Variants in ABCA1 observed in about 807,000 individuals in gnomAD.
The protein encoded by ABCA1 is ATP binding cassette subfamily A member 1, also known as phospholipid-transporting ATPase ABCA1.
ABCA1 carries 133 observed loss-of-function variants against 262.5 expected under a neutral mutation model. The observed-to-expected ratio is 0.51, with a 90% CI of 0.44 to 0.59. ABCA1 has a LOEUF of 0.59. ABCA1 is among the 20% of genes least tolerant of loss of function. The pLI, the probability that ABCA1 is intolerant of heterozygous loss-of-function variation, is 0.00. For synonymous variants in ABCA1, 1,022 were observed against 1,043.5 expected (o/e 0.98, Z 0.40); for missense variants, 2,452 against 2,777.5 (o/e 0.88, Z 2.63).
chr9:104,861,946 G>C (rs1564196254), intron 5 of ABCA1, 146 bp from the exon 6 acceptor site: 1 of 746,870 alleles, frequency 1.3e-6, no homozygotes, highest in African/African-American at 1.8e-5. Context: ...TGAGATAGGG[G>C]AGCATCGCCA....
intron 46 of ABCA1, 152 bp downstream of exon 46, chr9:104,787,768 G>T: frequency 6.5e-7 from 1 of 1,533,302 alleles, no homozygotes; most frequent in Non-Finnish European, 8.9e-7. Context: ...TGTGCCAAGG[G>T]AGAAGCTTCC....
intron 2 of ABCA1, among the ~76,000 whole-genome samples, chr9:104,891,826 G>A (rs1362347952): frequency 7.3e-5 from 11 of 150,486 alleles, no homozygotes; most frequent in Admixed American, 3.3e-4. Flanking sequence ...TTAGCCGGGC[G>A]TGGTGGTGCA....
At position 104,825,449 on chromosome 9, in the gene ABCA1, T is replaced by C. The variant is rs1176815223; in HGVS notation, c.2542+234A>G. On this transcript the variant is annotated intron_variant, in intron 17 of 49. Coordinates refer to ENST00000374736, the MANE Select transcript of ABCA1 (RefSeq NM_005502.4). ...CTTGTGAGAATTAAATGAAGCAATGTGTATAAAACATTTTGCATGCTGCCT... is the reference window on the plus strand; with the variant it reads ...CTTGTGAGAATTAAATGAAGCAATGCGTATAAAACATTTTGCATGCTGCCT... 8.5e-6 allele frequency: 5 copies of C among 586,974 alleles called. 1 individual carries two copies. In the Admixed American group the frequency reaches 1.1e-4, roughly 13 times the overall value. The allele number at this position is 586,974 out of a possible 1,614,324, so 36.4% of individuals were successfully genotyped here.
In ABCA1 at chr9:104,837,473, G is replaced by C; in HGVS notation, c.1149C>G (p.Ile383Met). The C allele has an allele frequency of 6.2e-7, 1 of 1,614,090 alleles. No homozygotes were observed. Among genetic ancestry groups the C allele is most frequent in the South Asian group, 1.1e-5 (1 of 91,074 alleles). Residue 383 changes from isoleucine (I) to methionine (M), a missense_variant, in exon 10 of 50, where the codon ATC (isoleucine) becomes ATG (methionine). Ile to Met is a conservative substitution (Grantham distance 10). Transcript: ENST00000374736. ...KALKPLLVGK[I>M]LYTPDTPATR... ...TGGCTGGAGTGTCAGGTGTATACAG[G>C]ATCTTCCCAACGAGCAGCGGCTTCA...
intron 8 of ABCA1, among the ~76,000 whole-genome samples, chr9:104,841,057 G>A (rs933044673): frequency 6.6e-6 from 1 of 152,088 alleles, no homozygotes; most frequent in African/African-American, 2.4e-5. Context: ...GCCCTCTTCC[G>A]CCTTGGGAGA....
chr9:104,887,519 A>G (rs1839285984), intron 3 of ABCA1, among the ~76,000 whole-genome samples: 1 of 152,120 alleles, frequency 6.6e-6, no homozygotes, highest in Admixed American at 6.6e-5. Context: ...GCCTGCTTGT[A>G]ATCATTCCAG....
rs756065458 is a variant in ABCA1, at chr9:104,861,816, G to A, written c.422-16C>T. 151 of 1,595,600 alleles carry A rather than the reference G, an allele frequency of 9.5e-5. No individual in the cohort carries two copies. Among genetic ancestry groups the A allele is most frequent in the Middle Eastern group, 1.8e-4 (1 of 5,468 alleles). ...AGCTTCAAGTCTATTGAGAAATAGT[G>A]TTTTATTTTTATTTAGTAAGTAACT... is the stretch of plus-strand genomic sequence containing the variant. On this transcript the variant is annotated splice_polypyrimidine_tract_variant and intron_variant, in intron 5 of 49. Coordinates refer to ENST00000374736, the MANE Select transcript of ABCA1 (RefSeq NM_005502.4).
intron 1 of ABCA1, among the ~76,000 whole-genome samples, chr9:104,909,573 C>G (rs950448910): frequency 7.3e-5 from 11 of 150,786 alleles, no homozygotes; most frequent in Admixed American, 4.0e-4. Context: ...GAATACCAGA[C>G]AGCAGACAGA....
chr9:104,876,333 G>A (rs1454212830), intron 5 of ABCA1, among the ~76,000 whole-genome samples: 1 of 152,194 alleles, frequency 6.6e-6, no homozygotes, highest in Non-Finnish European at 1.5e-5. Flanking sequence ...CAGAGGGGAT[G>A]TGAGGACGCC....
rs975626374 is a variant in ABCA1, at chr9:104,823,441, A to G, written c.2657-774T>C. 3.3e-5 allele frequency among the ~76,000 whole-genome samples: 5 copies of G among 152,320 alleles called. No homozygotes were observed. The South Asian group carries it at 8.3e-4, about 25-fold the overall frequency. On this transcript the variant is annotated intron_variant, in intron 18 of 49. Transcript: ENST00000374736. ...TTCTACAGTTACACATGCTGCTACCATTGGGGAAACTGGATGAAAGGTTTA... is the reference window on the plus strand; with the variant it reads ...TTCTACAGTTACACATGCTGCTACCGTTGGGGAAACTGGATGAAAGGTTTA...
At position 104,814,479 on chromosome 9, in the gene ABCA1, G is replaced by C; in HGVS notation, c.3739-4C>G. ...CTTCGGCCACCTTGAGGAATATCTG[G>C]AAAATGAGAGAGATGAGAACATTAT... On this transcript the variant is annotated splice_region_variant and splice_polypyrimidine_tract_variant and intron_variant, in intron 25 of 49. Transcript: ENST00000374736. 6.2e-7 allele frequency: 1 copy of C among 1,613,988 alleles called. No homozygotes were observed. Among genetic ancestry groups the C allele is most frequent in the East Asian group, 2.2e-5 (1 of 44,886 alleles).
In ABCA1 at chr9:104,840,364, G is replaced by A. The variant is rs1834256930; in HGVS notation, c.969C>T (p.Asn323=). Residue 323 remains asparagine (N), a synonymous_variant, in exon 9 of 50, where the codon AAC becomes AAT. Transcript: ENST00000374736. ...CTTTGTAGTTGTTGTCCTCATACCA[G>A]TTGAGAGACTTGATCTTCAGCCCCC... ...EGGGLKIKSL[N]WYEDNNYKAL... 1 of 1,614,126 alleles carries A rather than the reference G, an allele frequency of 6.2e-7. No homozygotes were observed. Among genetic ancestry groups the A allele is most frequent in the South Asian group, 1.1e-5 (1 of 91,082 alleles).
chr9:104,877,764 C>T (rs1173752354), intron 5 of ABCA1, among the ~76,000 whole-genome samples: 2 of 152,162 alleles, frequency 1.3e-5, no homozygotes, highest in African/African-American at 4.8e-5. Context: ...CAACACATGC[C>T]CAAAGTTCAC....
At chr9:104,839,264 G>A (rs951657380) in intron 9 of ABCA1, among the ~76,000 whole-genome samples, 9 of 152,226 alleles carry the variant, frequency 5.9e-5, no homozygotes, top group Admixed American at 3.3e-4. Flanking sequence ...ACAAAGGGCA[G>A]ATCAAATGTC....
chr9:104,884,645 A>G (rs1588502508), intron 3 of ABCA1, 77 bp from the exon 4 acceptor site: 25 of 1,539,144 alleles, frequency 1.6e-5, no homozygotes, highest in South Asian at 1.4e-4. Context: ...CCATTTATAC[A>G]ATGCTTCATG....
intron 5 of ABCA1, among the ~76,000 whole-genome samples, chr9:104,871,621 A>C (rs577518272): frequency 2.0e-5 from 3 of 152,206 alleles, no homozygotes; most frequent in African/African-American, 7.2e-5. Flanking sequence ...AAGAAGAAAC[A>C]AAGAACCAAC....
intron 46 of ABCA1, 72 bp from the exon 47 acceptor site, chr9:104,787,048 C>A (rs1828993766): frequency 2.2e-6 from 3 of 1,354,316 alleles, no homozygotes; most frequent in Non-Finnish European, 3.1e-6. Context: ...TTTTTAAATG[C>A]AGAAGCATCT....
chr9:104,893,481 A>G (rs960685254), intron 2 of ABCA1, among the ~76,000 whole-genome samples: 4 of 149,886 alleles, frequency 2.7e-5, no homozygotes, highest in East Asian at 2.0e-4. Flanking sequence ...AAATTAGGGG[A>G]AAAAAATGAA....
intron 1 of ABCA1, among the ~76,000 whole-genome samples, chr9:104,916,676 C>T (rs1841861487): frequency 6.6e-6 from 1 of 152,082 alleles, no homozygotes; most frequent in Non-Finnish European, 1.5e-5. Context: ...GAACAGAAAA[C>T]AAGTCCTTTT....
Sources: gnomAD v4.1 joint callset for allele counts (sites outside exome capture counted in the v4.1 genomes callset) on GRCh38, gnomAD v4.1.1 for gene constraint, MANE v1.5 for transcripts, NCBI Gene and HGNC (gene_info 2026-07-23, HGNC 2026-07-21) for gene names.